NYAP2: variants seen among roughly 807,000 people sequenced by gnomAD.
NYAP2 encodes neuronal tyrosine-phosphorylated phosphoinositide-3-kinase adaptor 2, also known as neuronal tyrosine-phosphorylated phosphoinositide-3-kinase adapter 2.
Under a neutral mutation model 50.4 loss-of-function variants are expected in NYAP2, and 23 were observed. The ratio of observed to expected loss-of-function variants is 0.46; its 90% CI spans 0.33 to 0.65. The LOEUF (loss-of-function observed/expected upper bound fraction) is 0.65. Among genes scored for constraint, NYAP2 ranks in the 30% least tolerant of loss-of-function variants. The pLI is 0.02. For missense variants in NYAP2, 885 were observed against 861.0 expected (o/e 1.03, Z -0.35); for synonymous variants, 394 against 365.2 (o/e 1.08, Z -0.90).
the NYAP2 span, among the ~76,000 whole-genome samples, chr2:225,673,644 A>G: frequency 6.6e-6 from 1 of 152,122 alleles, no homozygotes; most frequent in Non-Finnish European, 1.5e-5. Flanking sequence ...TCTTACCTTG[A>G]CCACTGTGAA....
rs1692282533 is a variant in NYAP2 at position 225,582,092 on chromosome 2, C to T, written c.675C>T (p.Asp225=). 6.2e-7 allele frequency: 1 copy of T among 1,613,810 alleles called. No individual in the cohort carries two copies. Among genetic ancestry groups the T allele is most frequent in the Admixed American group, 1.7e-5 (1 of 60,002 alleles). ...CCCGGAGGACGTCGCTGCCGCGGGACTCCTCCTTGTCCCAGATGGGCAGCC... is the reference window on the plus strand; with the variant it reads ...CCCGGAGGACGTCGCTGCCGCGGGATTCCTCCTTGTCCCAGATGGGCAGCC... The change falls in exon 5 of 7, where the codon GAC becomes GAT. Residue 225 remains aspartate, a synonymous_variant. Coordinates refer to ENST00000636099, the Ensembl canonical transcript of NYAP2. The surrounding 1 kb of genome is among the most constrained non-coding windows in gnomAD (Gnocchi z 7.0).
chr2:225,658,793 G>A (rs971954088), downstream of NYAP2, among the ~76,000 whole-genome samples: 1 of 152,180 alleles, frequency 6.6e-6, no homozygotes, highest in South Asian at 2.1e-4. Flanking sequence ...AAAATGAAAT[G>A]TTGGAATTAT....
At chr2:225,516,966 TTTAAGTAAGGGA>T in intron 4 of NYAP2, among the ~76,000 whole-genome samples, 2 of 152,262 alleles carry the variant, frequency 1.3e-5, no homozygotes, top group South Asian at 4.1e-4. Flanking sequence ...CAGGCTTCTA[TTTAAGTAAGGGA>T]TTATGACTTC....
chr2:225,679,493 GTTTTT>G, the NYAP2 span, among the ~76,000 whole-genome samples: 326 of 103,868 alleles, frequency 3.1e-3, 1 homozygote, highest in African/African-American at 0.011. Flanking sequence ...GCTTCTAATT[GTTTTT>G]TTTTTTTTTT....
At chr2:225,438,649 C>A (rs139912004) in intron 3 of NYAP2, among the ~76,000 whole-genome samples, 1 of 152,112 alleles carries the variant, frequency 6.6e-6, no homozygotes, top group East Asian at 1.9e-4. Context: ...ATCAGAAGTC[C>A]AGAGGTAAAA....
At chr2:225,544,618 TTA>T (rs769193863) in intron 4 of NYAP2, among the ~76,000 whole-genome samples, 24 of 152,160 alleles carry the variant, frequency 1.6e-4, no homozygotes, top group Admixed American at 9.8e-4. Flanking sequence ...TTGTTTCTCT[TTA>T]TGTCTTGTTG....
intron 3 of NYAP2, among the ~76,000 whole-genome samples, chr2:225,472,578 G>A (rs1690029392): frequency 6.6e-6 from 1 of 152,162 alleles, no homozygotes; most frequent in African/African-American, 2.4e-5. Flanking sequence ...ATGACCCTGA[G>A]TAGTCAAAAA....
intron 3 of NYAP2, among the ~76,000 whole-genome samples, chr2:225,475,423 T>A (rs1221692366): frequency 6.6e-6 from 1 of 152,220 alleles, no homozygotes. Context: ...AATGCTGTTA[T>A]TAAAGCCATA....
intron 3 of NYAP2, among the ~76,000 whole-genome samples, chr2:225,442,235 T>A (rs1430634074): frequency 6.6e-6 from 1 of 151,980 alleles, no homozygotes; most frequent in Non-Finnish European, 1.5e-5. Flanking sequence ...AATACAAAAT[T>A]CAGAGGCACA....
chr2:225,520,118 TG>T (rs1691020519), intron 4 of NYAP2, among the ~76,000 whole-genome samples: 1 of 152,190 alleles, frequency 6.6e-6, no homozygotes. Flanking sequence ...TTGATGGGGT[TG>T]TTTGTTTATT....
At chr2:225,666,727 T>C in the NYAP2 span, among the ~76,000 whole-genome samples, 10 of 152,232 alleles carry the variant, frequency 6.6e-5, no homozygotes, top group Non-Finnish European at 1.2e-4. Context: ...CAAATGTTTC[T>C]TATTTGGACC....
At chr2:225,592,736 G>C (rs1692530234) in intron 5 of NYAP2, among the ~76,000 whole-genome samples, 1 of 152,052 alleles carries the variant, frequency 6.6e-6, no homozygotes, top group South Asian at 2.1e-4. Context: ...ATAAATAATT[G>C]CTCACCTTTC....
At chr2:225,443,104 G>T (rs1229784413) in intron 3 of NYAP2, among the ~76,000 whole-genome samples, 2 of 152,152 alleles carry the variant, frequency 1.3e-5, no homozygotes, top group African/African-American at 2.4e-5. Context: ...TCCACTGGGT[G>T]CCTCCCATGA....
intron 5 of NYAP2, among the ~76,000 whole-genome samples, chr2:225,604,535 T>C (rs1468295886): frequency 6.6e-6 from 1 of 152,134 alleles, no homozygotes; most frequent in Non-Finnish European, 1.5e-5. Flanking sequence ...CCAGTTCTCA[T>C]ATGTGCCCTG....
chr2:225,596,527 A>AT (rs1384839195), intron 5 of NYAP2, among the ~76,000 whole-genome samples: 3 of 152,094 alleles, frequency 2.0e-5, no homozygotes, highest in Admixed American at 1.3e-4. Context: ...GACAGTTTAT[A>AT]TTTTTTGTAA....
chr2:225,559,151 G>A (rs1691825975), intron 4 of NYAP2, among the ~76,000 whole-genome samples: 1 of 152,020 alleles, frequency 6.6e-6, no homozygotes. Flanking sequence ...GGAAATGCTG[G>A]TGATAATTCT....
upstream of NYAP2, among the ~76,000 whole-genome samples, chr2:225,398,949 A>G (rs1694813817): frequency 1.3e-5 from 2 of 152,114 alleles, no homozygotes; most frequent in Non-Finnish European, 2.9e-5. Context: ...ATTACAGCAC[A>G]GTCTCAGGTG....
At chr2:225,462,754 T>C (rs374829103) in intron 3 of NYAP2, among the ~76,000 whole-genome samples, 1 of 152,160 alleles carries the variant, frequency 6.6e-6, no homozygotes, top group South Asian at 2.1e-4. Flanking sequence ...CAGATTGAAA[T>C]ATAATTTAGA....
At chr2:225,446,723 A>G (rs1322838831) in intron 3 of NYAP2, among the ~76,000 whole-genome samples, 2 of 152,292 alleles carry the variant, frequency 1.3e-5, no homozygotes, top group East Asian at 3.9e-4. Flanking sequence ...AAGCAACTGT[A>G]ATTTTCCTAA....
Sources: gnomAD v4.1 joint callset for allele counts (sites outside exome capture counted in the v4.1 genomes callset) on GRCh38, gnomAD v4.1.1 for gene constraint, Gnocchi (gnomAD v3.1) non-coding constraint, MANE v1.5 for transcripts, NCBI Gene and HGNC (gene_info 2026-07-23, HGNC 2026-07-21) for gene names.